Variants in EGLN3 observed in about 807,000 individuals in gnomAD.
EGLN3 encodes prolyl hydroxylase EGLN3.
In EGLN3, 15 loss-of-function variants were observed where a neutral mutation model predicts 26.0. The ratio of observed to expected loss-of-function variants is 0.58; its 90% CI spans 0.39 to 0.89. The LOEUF (loss-of-function observed/expected upper bound fraction) is 0.89. Ranked by LOEUF, EGLN3 falls within the 40% of genes least tolerant of loss-of-function variation. The probability of loss-of-function intolerance (pLI) is 0.00; values close to 1 mark genes in which losing one functional copy is unlikely to be tolerated. For missense variants in EGLN3, 238 were observed against 311.6 expected (o/e 0.76, Z 1.78); for synonymous variants, 147 against 127.2 (o/e 1.16, Z -1.05).
chr14:33,950,021 G>C lies in EGLN3; in HGVS notation c.357+375C>G. On this transcript the variant is annotated intron_variant, in intron 1 of 4. Coordinates refer to ENST00000250457, the MANE Select transcript of EGLN3 (RefSeq NM_022073.4). Reference sequence around the variant, plus strand: ...AGGTGGCTTTAAAGTAGGCATTTAAGATCATGAGGACACGTGTGTCTCAGA... The same window carrying C: ...AGGTGGCTTTAAAGTAGGCATTTAACATCATGAGGACACGTGTGTCTCAGA... 9.9e-6 allele frequency: 5 copies of C among 505,618 alleles called. No homozygotes were observed. In the South Asian group the frequency reaches 1.7e-4, roughly 17 times the overall value. The allele number at this position is 505,618 out of a possible 1,614,324, so 31.3% of individuals were successfully genotyped here. A position where few individuals can be genotyped will look rare whatever the true frequency, so the allele number is the denominator to read the frequency against.
At chr14:33,927,558 T>C (rs1321918655) in intron 3 of EGLN3, among the ~76,000 whole-genome samples, 2 of 152,210 alleles carry the variant, frequency 1.3e-5, no homozygotes. Context: ...CCAGAAATTA[T>C]CTTGGGCATT....
At chr14:33,935,610 CACACACACACAT>C (rs759973028) in intron 1 of EGLN3, among the ~76,000 whole-genome samples, 29 of 140,578 alleles carry the variant, frequency 2.1e-4, no homozygotes, top group South Asian at 6.7e-4. Context: ...CACACACACA[CACACACACACAT>C]ATATATATAT....
chr14:33,926,899 A>C (rs1038627179), intron 4 of EGLN3, 61 bp downstream of exon 4: 3 of 1,285,878 alleles, frequency 2.3e-6, no homozygotes, highest in African/African-American at 3.0e-5. Context: ...AACTACATAA[A>C]ATTGAATAAA....
At chr14:33,943,650 A>G (rs1171061035) in intron 1 of EGLN3, among the ~76,000 whole-genome samples, 1 of 152,262 alleles carries the variant, frequency 6.6e-6, no homozygotes, top group Non-Finnish European at 1.5e-5. Flanking sequence ...CAAACCAAAC[A>G]TGGCCCACAG....
chr14:33,950,987 C>G lies in EGLN3; in HGVS notation c.-235G>C, dbSNP rs2064558073. ...TGGTGCGGAGCTCCACGACCCGTTTCCGGACTGGCCCGGCGAGCAGTGCGG... is the reference window on the plus strand; with the variant it reads ...TGGTGCGGAGCTCCACGACCCGTTTGCGGACTGGCCCGGCGAGCAGTGCGG... On this transcript the variant is annotated 5_prime_UTR_variant, in exon 1 of 5. Transcript: ENST00000250457. 3.6e-6 allele frequency: 2 copies of G among 550,028 alleles called. No individual in the cohort carries two copies. The highest frequency in any genetic ancestry group is 6.4e-6 in the Non-Finnish European group (2 of 311,666). The allele number at this position is 550,028 out of a possible 1,614,324, so 34.1% of individuals were successfully genotyped here. A position where few individuals can be genotyped will look rare whatever the true frequency, so the allele number is the denominator to read the frequency against.
Position 33,925,797 on chromosome 14 carries a change from G to T in EGLN3, c.*94C>A. On this transcript the variant is annotated 3_prime_UTR_variant, in exon 5 of 5. Transcript: ENST00000250457. The stretch of plus-strand genomic sequence containing the variant: ...TGCAAGAAGTAGCAGGGAGATTGTT[G>T]TCACTGAAGAGGCCATCTTTGGATC... 2 of 1,415,630 alleles carry T rather than the reference G, an allele frequency of 1.4e-6. No individual in the cohort carries two copies. The highest frequency in any genetic ancestry group is 2.0e-6 in the Non-Finnish European group (2 of 1,003,210). 87.7% of individuals were successfully genotyped at this position (1,415,630 alleles called of 1,614,324 possible). A position where few individuals can be genotyped will look rare whatever the true frequency, so the allele number is the denominator to read the frequency against.
chr14:33,930,217 A>T (rs2064392335), intron 2 of EGLN3, among the ~76,000 whole-genome samples: 1 of 152,180 alleles, frequency 6.6e-6, no homozygotes, highest in Non-Finnish European at 1.5e-5. Context: ...TGATAACTTT[A>T]TTCTCTTGTC....
intron 1 of EGLN3, among the ~76,000 whole-genome samples, chr14:33,946,489 A>G (rs911513443): frequency 5.9e-5 from 9 of 152,220 alleles, no homozygotes; most frequent in Non-Finnish European, 1.0e-4. Context: ...TCTTAAGCCT[A>G]AGAATTAGTC....
intron 3 of EGLN3, among the ~76,000 whole-genome samples, chr14:33,927,327 C>T (rs933365345): frequency 6.6e-6 from 1 of 152,004 alleles, no homozygotes; most frequent in Non-Finnish European, 1.5e-5. Context: ...CGCTACCACA[C>T]CCAGCTAATT....
intron 4 of EGLN3, among the ~76,000 whole-genome samples, chr14:33,926,625 T>C (rs1769602): frequency 0.39 from 58,780 of 152,084 alleles, 11,734 homozygotes; most frequent in Non-Finnish European, 0.44. Context: ...CATAACTGGG[T>C]TCCATTATAT....
chr14:33,936,247 A>AAATAAATAAATAAATAAATAAAT (rs2064442203), intron 1 of EGLN3, among the ~76,000 whole-genome samples: 1 of 151,958 alleles, frequency 6.6e-6, no homozygotes, highest in Non-Finnish European at 1.5e-5. Context: ...ATAAATAAAT[A>AAATAAATAAATAAATAAATAAAT]AATAAGAGTT....
At position 33,951,050 on chromosome 14, in the gene EGLN3, C is replaced by A. The variant is rs1001007660; in HGVS notation, c.-298G>T. ...GAGGGCGCCTTTTGGGGATGGGAAGCCACCACTGCCGCGACTGCGGCCAGA... is the reference window on the plus strand; with the variant it reads ...GAGGGCGCCTTTTGGGGATGGGAAGACACCACTGCCGCGACTGCGGCCAGA... On this transcript the variant is annotated 5_prime_UTR_variant, in exon 1 of 5. Coordinates refer to ENST00000250457, the MANE Select transcript of EGLN3 (RefSeq NM_022073.4). The A allele has an allele frequency of 1.1e-5, 4 of 363,358 alleles. No homozygotes were observed. In the Admixed American group the frequency reaches 1.7e-4, roughly 16 times the overall value. The allele number at this position is 363,358 out of a possible 1,614,324, so 22.5% of individuals were successfully genotyped here.
At chr14:33,930,385 G>C (rs560209287) in intron 2 of EGLN3, among the ~76,000 whole-genome samples, 1 of 152,278 alleles carries the variant, frequency 6.6e-6, no homozygotes, top group East Asian at 1.9e-4. Flanking sequence ...ATGACAGCCA[G>C]TATTTGCCTA....
intron 3 of EGLN3, among the ~76,000 whole-genome samples, chr14:33,927,995 C>CGGAA (rs2064374260): frequency 6.6e-6 from 1 of 151,786 alleles, no homozygotes; most frequent in Non-Finnish European, 1.5e-5. Flanking sequence ...TAGCTACTTC[C>CGGAA]GTAGCTAACA....
Position 33,927,004 on chromosome 14 carries a change from G to T in EGLN3, c.644C>A (p.Ala215Asp). The T allele has an allele frequency of 6.2e-7, 1 of 1,608,600 alleles. No individual in the cohort carries two copies. The highest frequency in any genetic ancestry group is 8.5e-7 in the Non-Finnish European group (1 of 1,177,534). ...CTTTTTGGCTTCTGCCCTTTCTTCA[G>T]CATCAAAGTACCAGACAGTCATAGC... is the stretch of plus-strand genomic sequence containing the variant. The part of the protein sequence containing the change: ...RYAMTVWYFD[A>D]EERAEAKKKF... The change falls in exon 4 of 5, where the codon GCT becomes GAT. Residue 215 changes from alanine (A) to aspartate (D), a missense_variant. Transcript: ENST00000250457.
rs912609124 is a variant in EGLN3, at chr14:33,924,268, T to C, written c.*1623A>G. The stretch of plus-strand genomic sequence containing the variant: ...TATTCAACAAGTATTTACTGAGCCC[T>C]TACTATGTTCCCGGCACTATTTTAG... On this transcript the variant is annotated 3_prime_UTR_variant, in exon 5 of 5. Transcript: ENST00000250457. 3.3e-5 allele frequency: 5 copies of C among 152,214 alleles called. No individual in the cohort carries two copies. The highest frequency in any genetic ancestry group is 5.9e-5 in the Non-Finnish European group (4 of 68,036). The allele number at this position is 152,214 out of a possible 1,614,324, so 9.4% of individuals were successfully genotyped here. A position where few individuals can be genotyped will look rare whatever the true frequency, so the allele number is the denominator to read the frequency against.
chr14:33,950,819 G>A lies in EGLN3; in HGVS notation c.-67C>T, dbSNP rs1354599539. The stretch of plus-strand genomic sequence containing the variant: ...CAGAGAGGGAACGATCTACACGAGC[G>A]CGAAGCCGAGGCGCGGGGAGCGTGG... On this transcript the variant is annotated 5_prime_UTR_variant, in exon 1 of 5. Coordinates refer to ENST00000250457, the MANE Select transcript of EGLN3 (RefSeq NM_022073.4). The A allele has an allele frequency of 1.7e-5, 24 of 1,416,854 alleles. No individual in the cohort carries two copies. Among genetic ancestry groups the A allele is most frequent in the Non-Finnish European group, 4.8e-6 (5 of 1,036,006 alleles). The allele number at this position is 1,416,854 out of a possible 1,614,324, so 87.8% of individuals were successfully genotyped here.
chr14:33,930,333 C>T (rs2064393556), intron 2 of EGLN3, among the ~76,000 whole-genome samples: 1 of 152,150 alleles, frequency 6.6e-6, no homozygotes. Context: ...CAATGGTTTC[C>T]CAAGTTTCGT....
rs564530427 is a variant in EGLN3, at chr14:33,950,325, A to T, written c.357+71T>A. ...GTTCGCTTACGGCCCTGGGAAGTCG[A>T]CATACAACGGACTCCGAGTGCCTCC... On this transcript the variant is annotated intron_variant, in intron 1 of 4. Coordinates refer to ENST00000250457, the MANE Select transcript of EGLN3 (RefSeq NM_022073.4). 15 of 1,419,762 alleles carry T rather than the reference A, an allele frequency of 1.1e-5. No individual in the cohort carries two copies. In the South Asian group the frequency reaches 1.7e-4, roughly 16 times the overall value. The allele number at this position is 1,419,762 out of a possible 1,614,324, so 87.9% of individuals were successfully genotyped here.
Sources: allele counts gnomAD v4.1 joint callset (sites outside exome capture counted in the v4.1 genomes callset), GRCh38; gene constraint gnomAD v4.1.1; transcripts MANE v1.5; gene names NCBI Gene and HGNC (gene_info 2026-07-23, HGNC 2026-07-21).